Variants in COL11A1 observed in about 807,000 individuals in gnomAD.
COL11A1 encodes the protein collagen alpha-1(XI) chain.
In COL11A1, 74 loss-of-function variants were observed where a neutral mutation model predicts 265.2. The ratio of observed to expected loss-of-function variants is 0.28; its 90% CI spans 0.23 to 0.34. The LOEUF (loss-of-function observed/expected upper bound fraction) is 0.34. Ranked by LOEUF, COL11A1 falls within the 10% of genes least tolerant of loss-of-function variation. The pLI is 1.00. For missense variants in COL11A1, 2,165 were observed against 2,263.6 expected, an observed-to-expected ratio of 0.96 and a Z score of 0.88; for synonymous variants, 816 against 727.6, an observed-to-expected ratio of 1.12 and a Z score of -1.96.
intron 40 of COL11A1, 101 bp from the exon 41 acceptor site, chr1:102,962,020 A>G: frequency 1.7e-6 from 2 of 1,158,244 alleles, no homozygotes; most frequent in Admixed American, 3.9e-5. Context: ...GGTAATGTTT[A>G]TAGACATAAC....
intron 4 of COL11A1, among the ~76,000 whole-genome samples, chr1:103,053,441 A>T (rs965641821): frequency 1.3e-5 from 2 of 152,230 alleles, no homozygotes. Flanking sequence ...GTACAGTAGC[A>T]TCTAGAAAGG....
intron 4 of COL11A1, among the ~76,000 whole-genome samples, chr1:103,052,091 T>C (rs1269493412): frequency 2.0e-5 from 3 of 152,178 alleles, no homozygotes; most frequent in Non-Finnish European, 4.4e-5. Flanking sequence ...GACCTACCAG[T>C]TCTATTCCAT....
intron 4 of COL11A1, among the ~76,000 whole-genome samples, chr1:103,071,693 G>A (rs2102265878): frequency 6.6e-6 from 1 of 151,320 alleles, no homozygotes; most frequent in South Asian, 2.1e-4. Flanking sequence ...GACAGACAGA[G>A]GGACCCACGA....
intron 3 of COL11A1, among the ~76,000 whole-genome samples, chr1:103,075,702 G>T (rs1324162364): frequency 6.6e-6 from 1 of 151,968 alleles, no homozygotes; most frequent in Non-Finnish European, 1.5e-5. Context: ...TTTTCCAAAT[G>T]AAAAGTGCTA....
At chr1:102,995,230 T>C (rs949630426) in intron 28 of COL11A1, among the ~76,000 whole-genome samples, 2 of 152,102 alleles carry the variant, frequency 1.3e-5, no homozygotes, top group Non-Finnish European at 2.9e-5. Context: ...AAATGTATCC[T>C]TGAAAAAAAT....
chr1:102,916,818 C>A (rs1570721129), intron 49 of COL11A1, among the ~76,000 whole-genome samples: 1 of 150,006 alleles, frequency 6.7e-6, no homozygotes, highest in African/African-American at 2.4e-5. Flanking sequence ...TTTTGGATAA[C>A]TCTTACAAAA....
At chr1:102,914,022 T>C (rs777545491) in intron 52 of COL11A1, among the ~76,000 whole-genome samples, 2 of 152,174 alleles carry the variant, frequency 1.3e-5, no homozygotes, top group Non-Finnish European at 2.9e-5. Flanking sequence ...ATTTGCATTA[T>C]AGAAGAGAAA....
intron 5 of COL11A1, among the ~76,000 whole-genome samples, chr1:103,027,916 A>C (rs571137091): frequency 1.3e-5 from 2 of 152,236 alleles, no homozygotes; most frequent in South Asian, 4.1e-4. Flanking sequence ...CTTTATTTAA[A>C]CTCTCCAAAT....
intron 4 of COL11A1, among the ~76,000 whole-genome samples, chr1:103,065,476 C>T (rs1286784015): frequency 3.5e-5 from 5 of 144,786 alleles, no homozygotes; most frequent in African/African-American, 1.0e-4. Context: ...GCCCAGATCG[C>T]GCCACTACAC....
intron 48 of COL11A1, among the ~76,000 whole-genome samples, 159 bp from the exon 49 acceptor site, chr1:102,920,523 T>C (rs938093705): frequency 1.1e-4 from 16 of 152,200 alleles, no homozygotes; most frequent in African/African-American, 3.9e-4. Context: ...AATTGTCAAA[T>C]GTGTTGGAAA....
intron 4 of COL11A1, among the ~76,000 whole-genome samples, chr1:103,051,127 C>T (rs1669787405): frequency 1.3e-5 from 2 of 152,210 alleles, no homozygotes; most frequent in Admixed American, 6.5e-5. Flanking sequence ...CTCTTCAAAG[C>T]TGTCAGACAG....
chr1:103,000,692 A>C (rs558067524), intron 24 of COL11A1, among the ~76,000 whole-genome samples: 6 of 152,138 alleles, frequency 3.9e-5, no homozygotes, highest in African/African-American at 1.2e-4. Context: ...TATGGAAAAG[A>C]GTGGAATTCA....
chr1:103,065,529 A>AAAAAAAAAAAAAAAAAAAAAAAAAAC (rs1671050517), intron 4 of COL11A1, among the ~76,000 whole-genome samples: 1 of 123,544 alleles, frequency 8.1e-6, no homozygotes, highest in African/African-American at 3.3e-5. Flanking sequence ...TCTCAAAAAA[A>AAAAAAAAAAAAAAAAAAAAAAAAAAC]AAAAAAAAAA....
intron 2 of COL11A1, among the ~76,000 whole-genome samples, chr1:103,079,969 G>A (rs2102309268): frequency 6.6e-6 from 1 of 152,006 alleles, no homozygotes; most frequent in African/African-American, 2.4e-5. Flanking sequence ...AATGTATGGG[G>A]AGAGGATGCT....
At chr1:103,033,129 T>TA (rs1244586378) in intron 4 of COL11A1, among the ~76,000 whole-genome samples, 1 of 152,128 alleles carries the variant, frequency 6.6e-6, no homozygotes, top group Non-Finnish European at 1.5e-5. Context: ...TCATTTATCA[T>TA]AATGTCTTCA....
chr1:102,904,117 C>A (rs2100963368), intron 54 of COL11A1, among the ~76,000 whole-genome samples: 1 of 152,232 alleles, frequency 6.6e-6, no homozygotes, highest in Non-Finnish European at 1.5e-5. Flanking sequence ...CTTGCTTCAG[C>A]CTCTCAAAGT....
chr1:103,057,655 A>G, intron 4 of COL11A1, among the ~76,000 whole-genome samples: 1 of 152,202 alleles, frequency 6.6e-6, no homozygotes, highest in East Asian at 1.9e-4. Flanking sequence ...AAGCATGAAA[A>G]CAACATTAAT....
Position 103,108,439 on chromosome 1 carries a change from C to T in COL11A1, c.-261G>A, listed in dbSNP as rs1465043091. The T allele has an allele frequency of 1.7e-6, 1 of 602,458 alleles. No homozygotes were observed. Among genetic ancestry groups the T allele is most frequent in the Admixed American group, 2.9e-5 (1 of 33,936 alleles). 37.3% of individuals were successfully genotyped at this position (602,458 alleles called of 1,614,324 possible). On this transcript the variant is annotated 5_prime_UTR_variant, in exon 1 of 67. Coordinates refer to ENST00000370096, the MANE Select transcript of COL11A1 (RefSeq NM_001854.4). ...CCTCTGATCCTTCCTCTGCCGGGCC[C>T]TGCCTTCAGAATGAAGGCAGATGAG...
chr1:103,042,225 T>A (rs535742384), intron 4 of COL11A1, among the ~76,000 whole-genome samples: 17 of 152,200 alleles, frequency 1.1e-4, no homozygotes, highest in African/African-American at 4.1e-4. Context: ...TCCTCTCAAA[T>A]ACTTATAGAC....
Sources: gnomAD v4.1 joint callset for allele counts (sites outside exome capture counted in the v4.1 genomes callset) on GRCh38, gnomAD v4.1.1 for gene constraint, MANE v1.5 for transcripts, NCBI Gene and HGNC (gene_info 2026-07-23, HGNC 2026-07-21) for gene names.